AFF3: variants seen among roughly 807,000 people sequenced by gnomAD.
AFF3 encodes the protein AF4/FMR2 family member 3.
AFF3 carries 32 observed loss-of-function variants against 129.7 expected under a neutral mutation model. That is an observed-to-expected ratio of 0.25 (90% CI 0.19 to 0.33). AFF3 has a LOEUF of 0.33. Among genes scored for constraint, AFF3 ranks in the 10% least tolerant of loss-of-function variants. The probability of loss-of-function intolerance (pLI) is 1.00; values close to 1 mark genes in which losing one functional copy is unlikely to be tolerated. For synonymous variants in AFF3, 644 were observed against 635.4 expected, an observed-to-expected ratio of 1.01 and a Z score of -0.20; for missense variants, 1,373 against 1,592.0, an observed-to-expected ratio of 0.86 and a Z score of 2.34.
In AFF3 at chr2:99,755,379, T is replaced by C. The variant is rs1180636864; in HGVS notation, c.922-3078A>G. 2.0e-5 allele frequency among the ~76,000 whole-genome samples: 3 copies of C among 151,978 alleles called. No homozygotes were observed. The East Asian group carries it at 5.8e-4, about 29-fold the overall frequency. ...TGCCTTCCAGTTCAAGCAATTCTCC[T>C]GCCTCAGCCTCCCGAGTAGCTGGGA... On this transcript the variant is annotated intron_variant, in intron 8 of 24. Coordinates refer to ENST00000672756, the MANE Select transcript of AFF3 (RefSeq NM_001386135.1).
At chr2:99,686,510 A>G (rs894728043) in intron 11 of AFF3, among the ~76,000 whole-genome samples, 15 of 151,984 alleles carry the variant, frequency 9.9e-5, no homozygotes, top group Non-Finnish European at 1.9e-4. Context: ...TCAGTCCCAT[A>G]CCCTTTGGAT....
chr2:99,991,666 G>A (rs1325130357), intron 7 of AFF3, among the ~76,000 whole-genome samples: 2 of 152,278 alleles, frequency 1.3e-5, no homozygotes, highest in South Asian at 2.1e-4. Context: ...ACTTTGGGAG[G>A]CAAAGGCGGG....
chr2:99,746,752 C>T (rs1052469072), intron 9 of AFF3, among the ~76,000 whole-genome samples: 1 of 152,164 alleles, frequency 6.6e-6, no homozygotes, highest in Non-Finnish European at 1.5e-5. Context: ...TTTTCCTTCT[C>T]TTCAAGGGAA....
intron 11 of AFF3, among the ~76,000 whole-genome samples, chr2:99,686,724 G>A (rs747083868): frequency 2.6e-5 from 4 of 152,100 alleles, no homozygotes; most frequent in Admixed American, 6.5e-5. Flanking sequence ...TTTTTCCTTC[G>A]TCTAATCTTA....
intron 11 of AFF3, among the ~76,000 whole-genome samples, chr2:99,684,087 C>T (rs1297277793): frequency 2.0e-5 from 3 of 151,906 alleles, no homozygotes; most frequent in African/African-American, 7.2e-5. Flanking sequence ...GGGAGAATGA[C>T]CCGCTTTATG....
intron 3 of AFF3, 148 bp downstream of exon 3, chr2:100,105,356 G>C (rs917065963): frequency 1.4e-5 from 17 of 1,244,104 alleles, no homozygotes; most frequent in Non-Finnish European, 1.7e-5. Flanking sequence ...TCTGGAGCCC[G>C]CAAGTTCAGC....
At chr2:99,588,180 TTTTA>T in intron 15 of AFF3, among the ~76,000 whole-genome samples, 1 of 152,018 alleles carries the variant, frequency 6.6e-6, no homozygotes, top group East Asian at 1.9e-4. Context: ...TTGGGTTTAA[TTTTA>T]TTTGTTTATT....
chr2:99,666,205 T>C (rs185292612), intron 12 of AFF3, among the ~76,000 whole-genome samples: 8 of 152,278 alleles, frequency 5.3e-5, no homozygotes, highest in Middle Eastern at 3.4e-3. Flanking sequence ...ATGAATAAGA[T>C]ACACGGTGAA....
At chr2:99,708,967 C>T (rs191430820) in intron 11 of AFF3, among the ~76,000 whole-genome samples, 1 of 152,144 alleles carries the variant, frequency 6.6e-6, no homozygotes, top group East Asian at 1.9e-4. Flanking sequence ...ACTTTAAATT[C>T]TTAATTCAAT....
At chr2:99,643,146 G>A (rs1444871702) in intron 13 of AFF3, among the ~76,000 whole-genome samples, 1 of 124,614 alleles carries the variant, frequency 8.0e-6, no homozygotes, top group South Asian at 2.8e-4. Flanking sequence ...TGCAACCCCC[G>A]CCTCCTGGGT....
At chr2:100,105,205 G>A in intron 3 of AFF3, 1 of 718,202 alleles carries the variant, frequency 1.4e-6, no homozygotes, top group Non-Finnish European at 1.8e-6. Context: ...TTCTCCCGCG[G>A]CCCAGAATCC....
chr2:100,098,813 T>G (rs1690481860), intron 4 of AFF3, among the ~76,000 whole-genome samples: 1 of 104,274 alleles, frequency 9.6e-6, no homozygotes, highest in African/African-American at 4.3e-5. Context: ...AACCAGTCTC[T>G]CCACCCAGCT....
chr2:99,636,720 G>A (rs1004531976), intron 13 of AFF3, among the ~76,000 whole-genome samples: 9 of 152,196 alleles, frequency 5.9e-5, no homozygotes, highest in Non-Finnish European at 1.2e-4. Context: ...GTGGCAGTGG[G>A]CCAGCCAGCC....
At chr2:99,876,949 G>A (rs1180505822) in intron 7 of AFF3, among the ~76,000 whole-genome samples, 1 of 152,184 alleles carries the variant, frequency 6.6e-6, no homozygotes, top group Non-Finnish European at 1.5e-5. Context: ...GCTTAAAGTC[G>A]AGTTGGATTT....
At chr2:99,664,808 C>T (rs1416596205) in intron 12 of AFF3, among the ~76,000 whole-genome samples, 2 of 152,168 alleles carry the variant, frequency 1.3e-5, no homozygotes, top group African/African-American at 4.8e-5. Flanking sequence ...CAGTCCCTGC[C>T]CTCAGGAAAC....
chr2:99,672,818 A>AC (rs1687285441), intron 11 of AFF3, among the ~76,000 whole-genome samples: 2 of 152,232 alleles, frequency 1.3e-5, no homozygotes, highest in Non-Finnish European at 2.9e-5. Context: ...GTCATCAGCT[A>AC]AGACGGGCAG....
intron 8 of AFF3, among the ~76,000 whole-genome samples, chr2:99,813,170 T>C (rs1048898027): frequency 2.0e-5 from 3 of 152,108 alleles, no homozygotes; most frequent in African/African-American, 7.2e-5. Flanking sequence ...CATGACAGGG[T>C]TGCAGGCAGA....
At chr2:100,066,614 G>A (rs1687735685) in intron 4 of AFF3, among the ~76,000 whole-genome samples, 2 of 152,048 alleles carry the variant, frequency 1.3e-5, no homozygotes, top group Non-Finnish European at 2.9e-5. Flanking sequence ...CTGCAGCAGT[G>A]AGGTTCTGGC....
At chr2:99,678,316 T>C (rs1252122611) in intron 11 of AFF3, among the ~76,000 whole-genome samples, 1 of 152,250 alleles carries the variant, frequency 6.6e-6, no homozygotes, top group Non-Finnish European at 1.5e-5. Flanking sequence ...ATTTATGTTG[T>C]AGCTGGCGCC....
Sources: gnomAD v4.1 joint callset for allele counts (sites outside exome capture counted in the v4.1 genomes callset) on GRCh38, gnomAD v4.1.1 for gene constraint, MANE v1.5 for transcripts, NCBI Gene and HGNC (gene_info 2026-07-23, HGNC 2026-07-21) for gene names.